Variants in TDRD6 observed in about 807,000 individuals in gnomAD.
The protein encoded by TDRD6 is tudor domain containing 6.
Under a neutral mutation model 157.5 loss-of-function variants are expected in TDRD6, and 186 were observed. The observed-to-expected ratio is 1.18, with a 90% CI of 1.05 to 1.33. TDRD6 has a LOEUF of 1.33. Ranked by LOEUF, TDRD6 falls within the 40% of genes most tolerant of loss-of-function variation. TDRD6 has a pLI of 0.00. For synonymous variants in TDRD6, 1,075 were observed against 945.2 expected (o/e 1.14, Z -2.52); for missense variants, 3,066 against 2,508.0 (o/e 1.22, Z -4.75).
intron 3 of TDRD6, chr6:46,700,898 G>T: frequency 9.9e-6 from 3 of 301,682 alleles, no homozygotes; most frequent in Non-Finnish European, 6.8e-6. Flanking sequence ...ACATTTTGTT[G>T]TTTACATCTT....
rs201364675 is a variant in TDRD6, at chr6:46,688,918, C to T, written c.790C>T (p.Arg264Cys). Residue 264 changes from arginine to cysteine, a missense_variant, in exon 1 of 4, where the codon CGC (arginine) becomes TGC (cysteine). Coordinates refer to ENST00000316081, the MANE Select transcript of TDRD6 (RefSeq NM_001010870.3). ...CATAACCCAAGTGTGCCATCCCCAC[C>T]GCATTCACTGCCAGCTCCGCAGCGT... ...VVITQVCHPH[R>C]IHCQLRSVSQ... 1.9e-6 allele frequency: 3 copies of T among 1,608,252 alleles called. No individual in the cohort carries two copies. The highest frequency in any genetic ancestry group is 2.2e-5 in the South Asian group (2 of 90,522).
At chr6:46,685,420 A>T (rs898653161), upstream of TDRD6, among the ~76,000 whole-genome samples, 118 of 152,330 alleles carry the variant, frequency 7.7e-4, 1 homozygote, top group Middle Eastern at 3.4e-3. Context: ...ACAGCACAAA[A>T]TAAGTATGAT....
intron 1 of TDRD6, among the ~76,000 whole-genome samples, chr6:46,695,002 T>G (rs1252631343): frequency 6.6e-6 from 1 of 152,154 alleles, no homozygotes; most frequent in African/African-American, 2.4e-5. Flanking sequence ...TGGAGAACAT[T>G]TATTAACTTT....
chr6:46,690,700 G>A lies in TDRD6; in HGVS notation c.2572G>A (p.Glu858Lys). 1.2e-6 allele frequency: 2 copies of A among 1,614,164 alleles called. No homozygotes were observed. Among genetic ancestry groups the A allele is most frequent in the Non-Finnish European group, 1.7e-6 (2 of 1,179,998 alleles). ...NVTFVDYGDR[E>K]MVSVKNIYSI... ...AACATTTGTAGATTATGGAGACAGA[G>A]AAATGGTATCTGTGAAGAATATTTA... Residue 858 changes from glutamate to lysine, a missense_variant, in exon 1 of 4, where the codon GAA becomes AAA. By Grantham distance (56) the Glu-to-Lys change is moderately conservative. Transcript: ENST00000316081.
chr6:46,683,376 G>A (rs1212048690), upstream of TDRD6, among the ~76,000 whole-genome samples: 1 of 151,988 alleles, frequency 6.6e-6, no homozygotes, highest in Admixed American at 6.6e-5. Context: ...AACATTGAAA[G>A]TTTGTTTTGT....
Position 46,688,444 on chromosome 6 carries a change from A to G in TDRD6, c.316A>G (p.Thr106Ala). 6.5e-7 allele frequency: 1 copy of G among 1,542,796 alleles called. No individual in the cohort carries two copies. Among genetic ancestry groups the G allele is most frequent in the East Asian group, 2.4e-5 (1 of 40,892 alleles). ...CCTGCTGGACGAGGGCCGCACCATC[A>G]CGGCCGGAGCAGGCTCGCTGGCGCC... is the stretch of plus-strand genomic sequence containing the variant. ...VFLLDEGRTI[T>A]AGAGSLAPGR... Residue 106 changes from threonine to alanine, a missense_variant, in exon 1 of 4, where the codon ACG becomes GCG. Transcript: ENST00000316081.
chr6:46,688,361 G>C lies in TDRD6; in HGVS notation c.233G>C (p.Gly78Ala). ...SPGELCLVQV[G>A]LLWHRCRVVS... The stretch of plus-strand genomic sequence containing the variant: ...GGCGAGCTGTGCCTGGTGCAGGTCG[G>C]GCTTTTGTGGCACCGCTGCCGCGTG... The change falls in exon 1 of 4, where the codon GGG becomes GCG. Residue 78 changes from glycine (G) to alanine (A), a missense_variant. Coordinates refer to ENST00000316081, the MANE Select transcript of TDRD6 (RefSeq NM_001010870.3). 1 of 1,533,458 alleles carries C rather than the reference G, an allele frequency of 6.5e-7. No individual in the cohort carries two copies. Among genetic ancestry groups the C allele is most frequent in the Non-Finnish European group, 8.7e-7 (1 of 1,144,418 alleles). 95.0% of individuals were successfully genotyped at this position (1,533,458 alleles called of 1,614,324 possible). A position where few individuals can be genotyped will look rare whatever the true frequency, so the allele number is the denominator to read the frequency against.
chr6:46,698,003 G>A lies in TDRD6; in HGVS notation c.6177G>A (p.Leu2059=). 6.3e-7 allele frequency: 1 copy of A among 1,591,524 alleles called. No individual in the cohort carries two copies. Among genetic ancestry groups the A allele is most frequent in the Non-Finnish European group, 8.6e-7 (1 of 1,166,992 alleles). The change falls in exon 3 of 4, where the codon TTG becomes TTA. Residue 2059 remains leucine (L), a synonymous_variant. Coordinates refer to ENST00000316081, the MANE Select transcript of TDRD6 (RefSeq NM_001010870.3). ...LETAEEGTRV[L]NLSNGMEEIV... ...AAATTTGTTTTCTCCTGTAGGTTTT[G>A]AACCTTTCAAATGGTATGGAGGAGA...
chr6:46,690,555 CA>C lies in TDRD6; in HGVS notation c.2432del (p.Asn811IlefsTer19). ...TAATGTCTGATATTCAGTACTATTG[CA>C]AAAATACAGCTGCTCCTCACCAGAG... is the stretch of plus-strand genomic sequence containing the variant. ...TLMSDIQYYC[K>X]NTAAPHQRNT... On this transcript the variant is annotated frameshift_variant, in exon 1 of 4. Transcript: ENST00000316081. LOFTEE classifies it high-confidence loss of function. 6.2e-7 allele frequency: 1 copy of C among 1,614,128 alleles called. No homozygotes were observed. The highest frequency in any genetic ancestry group is 8.5e-7 in the Non-Finnish European group (1 of 1,180,008).
chr6:46,688,702 C>G lies in TDRD6; in HGVS notation c.574C>G (p.Arg192Gly), dbSNP rs572687262. 31 of 1,600,654 alleles carry G rather than the reference C, an allele frequency of 1.9e-5. No homozygotes were observed. The highest frequency in any genetic ancestry group is 6.7e-5 in the African/African-American group (5 of 74,930). ...LEVPDVFQQMRELGLARRVPD... is the reference protein window; with the variant it reads ...LEVPDVFQQMGELGLARRVPD... ...GGTGCCTGATGTGTTCCAACAGATG[C>G]GGGAGCTGGGCCTGGCTCGGCGGGT... is the stretch of plus-strand genomic sequence containing the variant. The change falls in exon 1 of 4, where the codon CGG (arginine) becomes GGG (glycine). Residue 192 changes from arginine (R) to glycine (G), a missense_variant. Transcript: ENST00000316081.
rs781268981 is a variant in TDRD6, at chr6:46,693,869, T to C, written c.5741T>C (p.Leu1914Pro). ...GAACTAGAACTACCTACAGCCCAGCTGCCTTTAGATGACAAGATGGATCCT... is the reference window on the plus strand; with the variant it reads ...GAACTAGAACTACCTACAGCCCAGCCGCCTTTAGATGACAAGATGGATCCT... ...QPELELPTAQLPLDDKMDPLS... is the reference protein window; with the variant it reads ...QPELELPTAQPPLDDKMDPLS... The change falls in exon 1 of 4, where the codon CTG becomes CCG. Residue 1914 changes from leucine to proline, a missense_variant. By Grantham distance (98) the Leu-to-Pro change is moderately conservative. Coordinates refer to ENST00000316081, the MANE Select transcript of TDRD6 (RefSeq NM_001010870.3). 52 of 1,614,132 alleles carry C rather than the reference T, an allele frequency of 3.2e-5. No homozygotes were observed. In the Admixed American group the frequency reaches 8.5e-4, roughly 26 times the overall value.
intron 1 of TDRD6, among the ~76,000 whole-genome samples, chr6:46,695,538 T>A (rs1216560181): frequency 6.6e-6 from 1 of 152,190 alleles, no homozygotes; most frequent in Non-Finnish European, 1.5e-5. Flanking sequence ...GTCTTAATAG[T>A]ACCATATTTT....
rs1157439283 is a variant in TDRD6, at chr6:46,702,349, C to T, written c.*462C>T. 6.6e-6 allele frequency: 1 copy of T among 152,278 alleles called. No homozygotes were observed. 9.4% of individuals were successfully genotyped at this position (152,278 alleles called of 1,614,324 possible). The stretch of plus-strand genomic sequence containing the variant: ...TTTGCCTGTTTGTCTAAACATTTGA[C>T]TAACATTCTGTTTGAATTTGGAAGT... On this transcript the variant is annotated 3_prime_UTR_variant, in exon 4 of 4. Coordinates refer to ENST00000316081, the MANE Select transcript of TDRD6 (RefSeq NM_001010870.3).
chr6:46,701,760 T>C (rs1208861545), intron 3 of TDRD6, 98 bp from the exon 4 acceptor site: 4 of 1,198,728 alleles, frequency 3.3e-6, no homozygotes, highest in Non-Finnish European at 3.7e-6. Context: ...CTCTCCCTTT[T>C]AGAGAACATT....
rs1214662934 is a variant in TDRD6 at position 46,691,072 on chromosome 6, A to G, written c.2944A>G (p.Met982Val). The G allele has an allele frequency of 5.6e-6, 9 of 1,613,864 alleles. No homozygotes were observed. The highest frequency in any genetic ancestry group is 7.6e-6 in the Non-Finnish European group (9 of 1,179,886). Residue 982 changes from methionine to valine, a missense_variant, in exon 1 of 4, where the codon ATG becomes GTG. Physicochemically the swap from Met to Val is conservative, Grantham distance 21. Transcript: ENST00000316081. Reference protein sequence around the residue: ...LHSYFYSTHDMKIGSEELVYI... With the variant: ...LHSYFYSTHDVKIGSEELVYI... The stretch of plus-strand genomic sequence containing the variant: ...TTCCTACTTCTATTCTACACATGAT[A>G]TGAAAATTGGAAGTGAAGAATTAGT...
chr6:46,692,303 A>C lies in TDRD6; in HGVS notation c.4175A>C (p.Asn1392Thr). Residue 1392 changes from asparagine (N) to threonine (T), a missense_variant, in exon 1 of 4, where the codon AAT becomes ACT. Physicochemically the swap from Asn to Thr is moderately conservative, Grantham distance 65. Transcript: ENST00000316081. ...TCTGTGCAGTTTATAGATTATGGCA[A>C]TGTTTCTGTGGTTCATACTAACAAA... is the stretch of plus-strand genomic sequence containing the variant. The part of the protein sequence containing the change: ...LLSVQFIDYG[N>T]VSVVHTNKIG... 1.9e-6 allele frequency: 3 copies of C among 1,614,140 alleles called. No homozygotes were observed. Among genetic ancestry groups the C allele is most frequent in the Non-Finnish European group, 2.5e-6 (3 of 1,180,006 alleles).
At chr6:46,701,558 A>G (rs1414093474) in intron 3 of TDRD6, among the ~76,000 whole-genome samples, 1 of 151,608 alleles carries the variant, frequency 6.6e-6, no homozygotes, top group African/African-American at 2.4e-5. Flanking sequence ...CTAATCAAAA[A>G]GGAAAAAGAA....
chr6:46,692,942 T>G lies in TDRD6; in HGVS notation c.4814T>G (p.Phe1605Cys). Reference sequence around the variant, plus strand: ...CTTGTATCTGTCAGGCTTGTGGACTTTGGAAACATTGAAGACTGTGTGGAC... The same window carrying G: ...CTTGTATCTGTCAGGCTTGTGGACTGTGGAAACATTGAAGACTGTGTGGAC... ...DYLVSVRLVD[F>C]GNIEDCVDPK... The change falls in exon 1 of 4, where the codon TTT (phenylalanine) becomes TGT (cysteine). Residue 1605 changes from phenylalanine (F) to cysteine (C), a missense_variant. Transcript: ENST00000316081. The G allele has an allele frequency of 6.2e-7, 1 of 1,613,964 alleles. No homozygotes were observed. Among genetic ancestry groups the G allele is most frequent in the Non-Finnish European group, 8.5e-7 (1 of 1,179,946 alleles).
At chr6:46,696,032 G>A (rs983326461) in intron 2 of TDRD6, 87 bp downstream of exon 2, 105 of 1,422,400 alleles carry the variant, frequency 7.4e-5, no homozygotes, top group East Asian at 4.8e-5. Context: ...TAGAGAACGC[G>A]ATTGAACAAA....
Sources: allele counts gnomAD v4.1 joint callset (sites outside exome capture counted in the v4.1 genomes callset), GRCh38; gene constraint gnomAD v4.1.1; transcripts MANE v1.5; gene names NCBI Gene and HGNC (gene_info 2026-07-23, HGNC 2026-07-21).